RBFOX1: variants seen among roughly 807,000 people sequenced by gnomAD.
RBFOX1 encodes the protein RNA binding fox-1 homolog 1.
In RBFOX1, 8 loss-of-function variants were observed where a neutral mutation model predicts 57.7. The ratio of observed to expected loss-of-function variants is 0.14; its 90% CI spans 0.08 to 0.25. RBFOX1 has a LOEUF of 0.25. RBFOX1 is among the 10% of genes least tolerant of loss of function. The probability of loss-of-function intolerance (pLI) is 1.00; values close to 1 mark genes in which losing one functional copy is unlikely to be tolerated. For synonymous variants in RBFOX1, 326 were observed against 222.4 expected, an observed-to-expected ratio of 1.47 and a Z score of -4.15; for missense variants, 611 against 548.5, an observed-to-expected ratio of 1.11 and a Z score of -1.14.
At chr16:7,304,785 G>A (rs1347240784) in intron 4 of RBFOX1, among the ~76,000 whole-genome samples, 2 of 152,140 alleles carry the variant, frequency 1.3e-5, no homozygotes, top group Non-Finnish European at 1.5e-5. Flanking sequence ...AGTGCCTTTC[G>A]TGGTGATCTG....
At chr16:6,584,560 G>A (rs2097580359) in intron 2 of RBFOX1, among the ~76,000 whole-genome samples, 1 of 151,808 alleles carries the variant, frequency 6.6e-6, no homozygotes, top group South Asian at 2.1e-4. Flanking sequence ...GCAGAGATAG[G>A]GTTTTGCCAT....
At chr16:6,984,006 G>A (rs1274217296) in intron 3 of RBFOX1, among the ~76,000 whole-genome samples, 4 of 152,158 alleles carry the variant, frequency 2.6e-5, no homozygotes, top group African/African-American at 4.8e-5. Flanking sequence ...CCAGCACTTT[G>A]GGAGGCCAAG....
chr16:7,435,059 C>T (rs115938200), intron 4 of RBFOX1, among the ~76,000 whole-genome samples: 1 of 152,184 alleles, frequency 6.6e-6, no homozygotes, highest in Non-Finnish European at 1.5e-5. Flanking sequence ...ACGTTTATCA[C>T]AACTAATGAA....
At chr16:6,966,708 T>C (rs1328118873) in intron 3 of RBFOX1, among the ~76,000 whole-genome samples, 1 of 152,092 alleles carries the variant, frequency 6.6e-6, no homozygotes, top group Non-Finnish European at 1.5e-5. Context: ...TGATCTAAAT[T>C]ACACCTGTGA....
chr16:5,566,701 T>G (rs1031706231), intron 2 of RBFOX1, among the ~76,000 whole-genome samples: 3 of 151,914 alleles, frequency 2.0e-5, no homozygotes, highest in Non-Finnish European at 4.4e-5. Context: ...TATACACATA[T>G]ATAGATATAT....
At chr16:6,792,591 C>T (rs1488326820) in intron 3 of RBFOX1, among the ~76,000 whole-genome samples, 4 of 152,182 alleles carry the variant, frequency 2.6e-5, no homozygotes. Context: ...GTGCCTCCTA[C>T]TACGAAGTCA....
At chr16:6,835,969 A>C (rs2093066668) in intron 3 of RBFOX1, among the ~76,000 whole-genome samples, 1 of 152,084 alleles carries the variant, frequency 6.6e-6, no homozygotes, top group African/African-American at 2.4e-5. Flanking sequence ...TCCATCTGCC[A>C]AAAGTGTCAT....
At chr16:5,718,878 C>G (rs2051819455) in intron 3 of RBFOX1, among the ~76,000 whole-genome samples, 1 of 151,970 alleles carries the variant, frequency 6.6e-6, no homozygotes, top group African/African-American at 2.4e-5. Flanking sequence ...CAATTTACCC[C>G]AGTCTAGGTG....
At chr16:6,491,377 A>G (rs2095629597) in intron 2 of RBFOX1, among the ~76,000 whole-genome samples, 1 of 152,154 alleles carries the variant, frequency 6.6e-6, no homozygotes, top group Non-Finnish European at 1.5e-5. Flanking sequence ...CTTGTATGCC[A>G]TTAAAAAGAG....
intron 4 of RBFOX1, among the ~76,000 whole-genome samples, chr16:5,950,911 G>A (rs1366198561): frequency 6.6e-6 from 1 of 152,152 alleles, no homozygotes; most frequent in African/African-American, 2.4e-5. Flanking sequence ...ATCCAACCCA[G>A]GCCAGAGAGG....
chr16:6,974,655 A>C (rs899580002), intron 3 of RBFOX1, among the ~76,000 whole-genome samples: 1 of 151,956 alleles, frequency 6.6e-6, no homozygotes, highest in Non-Finnish European at 1.5e-5. Flanking sequence ...CATAAATCAT[A>C]TTCTTTATTT....
intron 4 of RBFOX1, among the ~76,000 whole-genome samples, chr16:7,247,180 A>G (rs4331350): frequency 0.66 from 100,067 of 151,996 alleles, 35,139 homozygotes; most frequent in African/African-American, 0.91. Flanking sequence ...CCTCTGCTGG[A>G]GAATAGTAGC....
At chr16:7,139,435 C>G (rs1268701880) in intron 4 of RBFOX1, among the ~76,000 whole-genome samples, 1 of 152,106 alleles carries the variant, frequency 6.6e-6, no homozygotes, top group South Asian at 2.1e-4. Flanking sequence ...CAAAGAGGGT[C>G]CTATATACCT....
intron 3 of RBFOX1, among the ~76,000 whole-genome samples, chr16:5,767,761 C>T (rs181364118): frequency 1.3e-5 from 2 of 152,276 alleles, no homozygotes; most frequent in Non-Finnish European, 2.9e-5. Context: ...TAAAGACCCT[C>T]ATTAGTTGCC....
Position 7,709,106 on chromosome 16 carries a change from C to T in RBFOX1, c.1046C>T (p.Ala349Val). 2 of 1,613,376 alleles carry T rather than the reference C, an allele frequency of 1.2e-6. No homozygotes were observed. Among genetic ancestry groups the T allele is most frequent in the Non-Finnish European group, 1.7e-6 (2 of 1,179,584 alleles). ...CCCTACCACCACGCACTTGCTCCAG[C>T]CCCCACCTACGGCGTTGGTGCCATG... ...ADPYHHALAP[A>V]PTYGVGAMNA... Residue 349 changes from alanine (A) to valine (V), a missense_variant, in exon 15 of 16, where the codon GCC becomes GTC. Physicochemically the swap from Ala to Val is moderately conservative, Grantham distance 64. Around this residue, in one of 3 missense-constraint regions of RBFOX1, gnomAD observed 267 missense variants for 229.1 expected, o/e 1.17. Transcript: ENST00000550418.
intron 1 of RBFOX1, among the ~76,000 whole-genome samples, chr16:6,249,936 C>G (rs565349117): frequency 2.0e-5 from 3 of 152,074 alleles, no homozygotes; most frequent in Non-Finnish European, 4.4e-5. Context: ...TCCCCCTACC[C>G]CACAATAGGC....
At chr16:5,290,171 T>C (rs2063498346) in intron 1 of RBFOX1, among the ~76,000 whole-genome samples, 2 of 152,076 alleles carry the variant, frequency 1.3e-5, no homozygotes, top group Admixed American at 1.3e-4. Context: ...AACACGCAAA[T>C]CTATGAAGAC....
intron 1 of RBFOX1, among the ~76,000 whole-genome samples, chr16:6,277,525 A>T (rs547095060): frequency 6.7e-6 from 1 of 150,040 alleles, no homozygotes. Flanking sequence ...TTATCTCAGC[A>T]CTTTGAGAGG....
chr16:7,679,109 T>G (rs1250272111), intron 14 of RBFOX1, among the ~76,000 whole-genome samples: 1 of 152,200 alleles, frequency 6.6e-6, no homozygotes, highest in Non-Finnish European at 1.5e-5. Flanking sequence ...AATAAGTAAA[T>G]GGACAGAAAG....
Sources: allele counts gnomAD v4.1 joint callset (sites outside exome capture counted in the v4.1 genomes callset), GRCh38; gene constraint gnomAD v4.1.1; regional missense constraint gnomAD v4.1.1; transcripts MANE v1.5; gene names NCBI Gene and HGNC (gene_info 2026-07-23, HGNC 2026-07-21).